Variants in ZSWIM6 observed in about 807,000 individuals in gnomAD.
The protein encoded by ZSWIM6 is zinc finger SWIM domain-containing protein 6.
Under a neutral mutation model 113.2 loss-of-function variants are expected in ZSWIM6, and 9 were observed. The observed-to-expected ratio is 0.08, with a 90% confidence interval of 0.05 to 0.14. ZSWIM6 has a LOEUF of 0.14. ZSWIM6 is among the 10% of genes least tolerant of loss of function. The pLI, the probability that ZSWIM6 is intolerant of heterozygous loss-of-function variation, is 1.00. For missense variants in ZSWIM6, 1,162 were observed against 1,552.2 expected (o/e 0.75, Z 4.22); for synonymous variants, 611 against 606.5 (o/e 1.01, Z -0.11).
intron 4 of ZSWIM6, among the ~76,000 whole-genome samples, chr5:61,518,633 G>T (rs1401263682): frequency 1.3e-5 from 2 of 152,132 alleles, no homozygotes; most frequent in Non-Finnish European, 2.9e-5. Context: ...TTTTGATGGG[G>T]TTGTTTGTTT....
rs1040080709 is a variant in ZSWIM6, at chr5:61,402,421, A to T, written c.676+69473A>T. On this transcript the variant is annotated intron_variant, in intron 1 of 13. Transcript: ENST00000252744. Reference sequence around the variant, plus strand: ...TGTCACTCATTATAGTTGGAATTCTACTTTAACTAGATTTGTTTTCTGATT... The same window carrying T: ...TGTCACTCATTATAGTTGGAATTCTTCTTTAACTAGATTTGTTTTCTGATT... 2.6e-5 allele frequency among the ~76,000 whole-genome samples: 4 copies of T among 152,196 alleles called. No individual in the cohort carries two copies. In the East Asian group the frequency reaches 7.7e-4, roughly 29 times the overall value.
intron 1 of ZSWIM6, among the ~76,000 whole-genome samples, chr5:61,463,089 A>T (rs1747352018): frequency 6.6e-6 from 1 of 152,220 alleles, no homozygotes; most frequent in Non-Finnish European, 1.5e-5. Context: ...GTTGTAAAAC[A>T]GTCTCTTTGC....
intron 2 of ZSWIM6, among the ~76,000 whole-genome samples, chr5:61,487,119 A>G (rs1317886577): frequency 1.3e-5 from 2 of 151,820 alleles, no homozygotes; most frequent in Non-Finnish European, 2.9e-5. Context: ...TGGCTATACA[A>G]TTTTCCCAGC....
chr5:61,519,801 A>G (rs576146257), intron 4 of ZSWIM6, among the ~76,000 whole-genome samples: 1 of 152,262 alleles, frequency 6.6e-6, no homozygotes, highest in East Asian at 1.9e-4. Context: ...TTCATGGAAG[A>G]CAGTTTTTCC....
chr5:61,429,338 G>A (rs1018087813), intron 1 of ZSWIM6, among the ~76,000 whole-genome samples: 2 of 152,180 alleles, frequency 1.3e-5, no homozygotes, highest in Non-Finnish European at 2.9e-5. Flanking sequence ...CAAGATGGTA[G>A]GGGCAGAGAG....
At chr5:61,480,193 C>T (rs1747817302) in intron 2 of ZSWIM6, among the ~76,000 whole-genome samples, 1 of 151,868 alleles carries the variant, frequency 6.6e-6, no homozygotes, top group East Asian at 1.9e-4. Context: ...TTGCTTTTTT[C>T]CATATAAAAT....
At position 61,472,143 on chromosome 5, in the gene ZSWIM6, T is replaced by C. The variant is rs906551790; in HGVS notation, c.677-538T>C. Among the ~76,000 whole-genome samples the C allele has an allele frequency of 6.6e-6, 1 of 152,170 alleles. No individual in the cohort carries two copies. The highest frequency in any genetic ancestry group is 2.4e-5 in the African/African-American group (1 of 41,434). On this transcript the variant is annotated intron_variant, in intron 1 of 13. Coordinates refer to ENST00000252744, the MANE Select transcript of ZSWIM6 (RefSeq NM_020928.2). This position sits in a 1 kb window ranked among gnomAD's most constrained non-coding sequence, Gnocchi z 4.1. ...CAGAAAGGATTGTCAAATTTAAAAATTTATCTGATCAAAGTTTGTGGAAGG... is the reference window on the plus strand; with the variant it reads ...CAGAAAGGATTGTCAAATTTAAAAACTTATCTGATCAAAGTTTGTGGAAGG...
chr5:61,541,082 T>C (rs1035643765), intron 12 of ZSWIM6, among the ~76,000 whole-genome samples: 1 of 152,036 alleles, frequency 6.6e-6, no homozygotes. Flanking sequence ...TAGCTGGGAC[T>C]ACAGGCGCAC....
chr5:61,432,546 G>T (rs1746608663), intron 1 of ZSWIM6, among the ~76,000 whole-genome samples: 1 of 152,128 alleles, frequency 6.6e-6, no homozygotes, highest in South Asian at 2.1e-4. Flanking sequence ...TTAGCCTTGG[G>T]CCCCAATGCC....
chr5:61,531,875 A>G, intron 9 of ZSWIM6, 150 bp downstream of exon 9: 1 of 870,222 alleles, frequency 1.1e-6, no homozygotes, highest in South Asian at 1.8e-5. Flanking sequence ...TTCGCTGTCT[A>G]AAAAATAGTG....
chr5:61,362,769 C>T (rs769017528), intron 1 of ZSWIM6, among the ~76,000 whole-genome samples: 1 of 152,184 alleles, frequency 6.6e-6, no homozygotes, highest in Non-Finnish European at 1.5e-5. Flanking sequence ...TCTGACTGCT[C>T]TCCTGATTGC....
intron 1 of ZSWIM6, among the ~76,000 whole-genome samples, chr5:61,441,101 G>A (rs542809959): frequency 6.6e-6 from 1 of 152,226 alleles, no homozygotes; most frequent in African/African-American, 2.4e-5. Flanking sequence ...ATTTGGCAGA[G>A]GAAATTGCAT....
At chr5:61,334,167 G>A (rs1285308792) in intron 1 of ZSWIM6, among the ~76,000 whole-genome samples, 1 of 152,230 alleles carries the variant, frequency 6.6e-6, no homozygotes, top group Admixed American at 6.5e-5. Flanking sequence ...TTCTCTGACA[G>A]ATCCTGAGAG....
At chr5:61,486,263 T>A (rs1361150911) in intron 2 of ZSWIM6, among the ~76,000 whole-genome samples, 1 of 152,150 alleles carries the variant, frequency 6.6e-6, no homozygotes, top group African/African-American at 2.4e-5. Flanking sequence ...TTGTTCCATC[T>A]ATGGTGCTGC....
At chr5:61,333,880 C>G (rs1744326374) in intron 1 of ZSWIM6, among the ~76,000 whole-genome samples, 1 of 152,080 alleles carries the variant, frequency 6.6e-6, no homozygotes, top group Non-Finnish European at 1.5e-5. Flanking sequence ...TCGGCAGTTG[C>G]GGATTTGCCG....
chr5:61,527,355 G>A (rs1749315656), intron 7 of ZSWIM6, among the ~76,000 whole-genome samples: 1 of 152,026 alleles, frequency 6.6e-6, no homozygotes, highest in South Asian at 2.1e-4. Flanking sequence ...TTTTGGTTTT[G>A]GTTATATTTT....
chr5:61,489,507 G>A (rs1748123406), intron 2 of ZSWIM6, among the ~76,000 whole-genome samples: 1 of 152,002 alleles, frequency 6.6e-6, no homozygotes, highest in Non-Finnish European at 1.5e-5. Flanking sequence ...AAATGAAATA[G>A]AGTAGAAAAT....
chr5:61,375,254 T>C, intron 1 of ZSWIM6: 2 of 1,611,912 alleles, frequency 1.2e-6, no homozygotes, highest in South Asian at 1.1e-5. Flanking sequence ...AAAGAGCAAC[T>C]AGAAAAGGAA....
chr5:61,514,615 G>A (rs938820084), intron 4 of ZSWIM6, among the ~76,000 whole-genome samples: 2 of 152,034 alleles, frequency 1.3e-5, no homozygotes, highest in Non-Finnish European at 2.9e-5. Flanking sequence ...TGATTTTTCT[G>A]TATCTGTTGA....
Sources: allele counts gnomAD v4.1 joint callset (sites outside exome capture counted in the v4.1 genomes callset), GRCh38; gene constraint gnomAD v4.1.1; non-coding constraint Gnocchi (gnomAD v3.1); transcripts MANE v1.5; gene names NCBI Gene and HGNC (gene_info 2026-07-23, HGNC 2026-07-21).